Variants in SOD2 observed in about 807,000 individuals in gnomAD.
SOD2 encodes superoxide dismutase 2.
SOD2 carries 11 observed loss-of-function variants against 27.0 expected under a neutral mutation model. That is an observed-to-expected ratio of 0.41 (90% CI 0.26 to 0.67). SOD2 has a LOEUF of 0.67. SOD2 is among the 30% of genes least tolerant of loss of function. SOD2 has a pLI of 0.34. For missense variants in SOD2, 250 were observed against 274.5 expected (o/e 0.91, Z 0.63); for synonymous variants, 105 against 103.0 (o/e 1.02, Z -0.12).
At position 159,732,885 on chromosome 6, in the gene SOD2, TA is replaced by T. The variant is rs1562452335; in HGVS notation, c.-116+12244del. Among the ~76,000 whole-genome samples the T allele has an allele frequency of 1.8e-4, 10 of 56,912 alleles. No homozygotes were observed. The East Asian group carries it at 3.6e-3, about 21-fold the overall frequency. The allele number at this position is 56,912 out of a possible 152,430, so 37.3% of individuals were successfully genotyped here. ...CTCTCTCTCTCTCTGTATATATATA[TA>T]GTGTGTGTGTGTGTGTGTGTGTGTG... On this transcript the variant is annotated intron_variant, in intron 1 of 3. Coordinates refer to the SOD2 transcript ENST00000537657.
intron 1 of SOD2, among the ~76,000 whole-genome samples, chr6:159,705,308 C>G (rs528240319): frequency 6.6e-6 from 1 of 152,048 alleles, no homozygotes; most frequent in African/African-American, 2.4e-5. Context: ...AGGCTTCAGA[C>G]GATCAAACTT....
intron 1 of SOD2, among the ~76,000 whole-genome samples, chr6:159,724,373 T>A (rs1263540803): frequency 6.6e-6 from 1 of 152,230 alleles, no homozygotes; most frequent in Non-Finnish European, 1.5e-5. Flanking sequence ...AAAATACTTA[T>A]GTTATCCTAC....
At chr6:159,694,761 ATTT>A (rs34851405), upstream of SOD2, among the ~76,000 whole-genome samples, 1 of 140,538 alleles carries the variant, frequency 7.1e-6, no homozygotes, top group African/African-American at 2.6e-5. Context: ...ACGCCCCACT[ATTT>A]TTTTTTTTTT....
At chr6:159,753,424 T>A (rs1440) in intron 1 of SOD2, 1 of 1,613,326 alleles carries the variant, frequency 6.2e-7, no homozygotes, top group Non-Finnish European at 8.5e-7. Context: ...GAGAGTTTTG[T>A]CTTCATTTTG....
At chr6:159,718,283 C>T (rs766913795) in intron 1 of SOD2, among the ~76,000 whole-genome samples, 4 of 152,190 alleles carry the variant, frequency 2.6e-5, no homozygotes, top group Non-Finnish European at 5.9e-5. Flanking sequence ...CAGGTATAAG[C>T]CACCATGCCT....
At chr6:159,705,588 A>G (rs1383049831) in intron 1 of SOD2, among the ~76,000 whole-genome samples, 1 of 152,142 alleles carries the variant, frequency 6.6e-6, no homozygotes, top group Non-Finnish European at 1.5e-5. Context: ...GTAAAAAGAA[A>G]CAAAGCCTCC....
chr6:159,720,005 T>G (rs1337136185), intron 1 of SOD2, among the ~76,000 whole-genome samples: 1 of 150,282 alleles, frequency 6.7e-6, no homozygotes, highest in African/African-American at 2.5e-5. Flanking sequence ...ATTACAGGCA[T>G]GAGACACCAT....
chr6:159,698,571 CA>C (rs66652436), intron 1 of SOD2, among the ~76,000 whole-genome samples: 375 of 95,656 alleles, frequency 3.9e-3, no homozygotes, highest in African/African-American at 0.015. Context: ...GACCTTGTCT[CA>C]AAAAAAAAAA....
exon 1 of SOD2, chr6:159,761,816 C>G (rs1180686345): frequency 4.6e-6 from 1 of 219,204 alleles, no homozygotes; most frequent in African/African-American, 2.3e-5. Flanking sequence ...GCCCGCAAGC[C>G]CAGACCCCGG....
At chr6:159,753,747 T>C in intron 1 of SOD2, 1 of 1,153,232 alleles carries the variant, frequency 8.7e-7, no homozygotes. Context: ...TTATTGTGAG[T>C]GAAGCATTTT....
chr6:159,712,597 CAACGACCACTCAGCTGCTCTGACCTCCAT>C lies in SOD2; in HGVS notation c.-116+14503_-116+14531del, dbSNP rs1562439059. 1.8e-4 allele frequency among the ~76,000 whole-genome samples: 24 copies of C among 134,244 alleles called. 2 individuals are homozygous for C. In the South Asian group the frequency reaches 4.6e-3, roughly 26 times the overall value. The allele number at this position is 134,244 out of a possible 152,430, so 88.1% of individuals were successfully genotyped here. A position where few individuals can be genotyped will look rare whatever the true frequency, so the allele number is the denominator to read the frequency against. ...ACTCTGATCACCCTAACCGCCTCCACAACGACCACTCAGCTGCTCTGACCTCCATAACCACCTCCATAACCACCACTCAC... is the reference window on the plus strand; with the variant it reads ...ACTCTGATCACCCTAACCGCCTCCACAACCACCTCCATAACCACCACTCAC... On this transcript the variant is annotated intron_variant, in intron 1 of 2. Coordinates refer to the SOD2 transcript ENST00000401980.
At chr6:159,755,448 C>T (rs1779966403) in intron 1 of SOD2, 10 of 1,614,044 alleles carry the variant, frequency 6.2e-6, no homozygotes, top group Non-Finnish European at 8.5e-6. Flanking sequence ...GACTCTCCCA[C>T]GGGCAGTGAA....
chr6:159,757,487 A>G (rs1026310346), intron 1 of SOD2, among the ~76,000 whole-genome samples: 2 of 148,262 alleles, frequency 1.3e-5, no homozygotes, highest in Non-Finnish European at 3.0e-5. Flanking sequence ...ATCGTGGCTC[A>G]CTGCAACCTC....
chr6:159,707,529 A>T (rs1200547514), intron 1 of SOD2, among the ~76,000 whole-genome samples: 4 of 152,258 alleles, frequency 2.6e-5, no homozygotes, highest in Non-Finnish European at 5.9e-5. Context: ...GAAATGGATA[A>T]GTTCCAGGAC....
intron 1 of SOD2, among the ~76,000 whole-genome samples, chr6:159,736,969 T>G (rs1490687971): frequency 6.6e-6 from 1 of 152,076 alleles, no homozygotes; most frequent in Non-Finnish European, 1.5e-5. Flanking sequence ...TATTGTGGAG[T>G]CAGATTACTC....
chr6:159,749,026 A>G, upstream of SOD2: 1 of 1,000,582 alleles, frequency 1.0e-6, no homozygotes, highest in Non-Finnish European at 1.2e-6. Flanking sequence ...CAAGTAGCGC[A>G]TATATTTAAC....
At chr6:159,717,897 ATGTGTGTGTGTGTGTGTG>A (rs66742481) in intron 1 of SOD2, among the ~76,000 whole-genome samples, 3 of 149,480 alleles carry the variant, frequency 2.0e-5, no homozygotes, top group Non-Finnish European at 3.0e-5. Flanking sequence ...ATGTATGGAT[ATGTGTGTGTGTGTGTGTG>A]TGTGTGTGTG....
intron 1 of SOD2, chr6:159,739,070 A>G (rs1435312973): frequency 1.9e-6 from 3 of 1,582,158 alleles, no homozygotes; most frequent in East Asian, 4.5e-5. Context: ...GTTCAAAAAC[A>G]AAGTCTTTCT....
intron 1 of SOD2, among the ~76,000 whole-genome samples, chr6:159,714,844 C>T (rs1321315858): frequency 1.3e-5 from 2 of 152,066 alleles, no homozygotes; most frequent in African/African-American, 4.8e-5. Context: ...TTTCTTGGAC[C>T]TTTAGTTATA....
Sources: allele counts gnomAD v4.1 joint callset (sites outside exome capture counted in the v4.1 genomes callset), GRCh38; gene constraint gnomAD v4.1.1; transcripts MANE v1.5; gene names NCBI Gene and HGNC (gene_info 2026-07-23, HGNC 2026-07-21).